CTBS: variants seen among roughly 807,000 people sequenced by gnomAD.
CTBS encodes chitobiase.
CTBS carries 35 observed loss-of-function variants against 44.3 expected under a neutral mutation model. The observed-to-expected ratio is 0.79, with a 90% CI of 0.60 to 1.05. CTBS has a LOEUF of 1.05. Among genes scored for constraint, CTBS ranks in the 50% least tolerant of loss-of-function variants. The probability of loss-of-function intolerance (pLI) is 0.00; values close to 1 mark genes in which losing one functional copy is unlikely to be tolerated. For missense variants in CTBS, 458 were observed against 475.3 expected (o/e 0.96, Z 0.34); for synonymous variants, 143 against 168.0 (o/e 0.85, Z 1.15).
intron 6 of CTBS, among the ~76,000 whole-genome samples, chr1:84,562,439 T>C (rs898154797): frequency 6.6e-6 from 1 of 152,232 alleles, no homozygotes; most frequent in Non-Finnish European, 1.5e-5. Flanking sequence ...ATTTATGACA[T>C]GTAGTGTGTT....
chr1:84,552,899 T>C lies in CTBS; in HGVS notation c.*2100A>G, dbSNP rs1378598723. The C allele has an allele frequency of 3.3e-6, 2 of 608,662 alleles. No homozygotes were observed. The highest frequency in any genetic ancestry group is 5.8e-6 in the Non-Finnish European group (2 of 343,548). 37.7% of individuals were successfully genotyped at this position (608,662 alleles called of 1,614,324 possible). On this transcript the variant is annotated 3_prime_UTR_variant, in exon 7 of 7. Transcript: ENST00000370630. ...CTACACATTTACTGTAGTAATCCAGTGGGAGTTGAAAGCACTGAAGCCAAA... is the reference window on the plus strand; with the variant it reads ...CTACACATTTACTGTAGTAATCCAGCGGGAGTTGAAAGCACTGAAGCCAAA...
intron 6 of CTBS, among the ~76,000 whole-genome samples, chr1:84,557,003 G>C (rs1684450858): frequency 1.3e-5 from 2 of 152,164 alleles, no homozygotes; most frequent in Non-Finnish European, 2.9e-5. Flanking sequence ...CATCATTCTA[G>C]CTAGTACTTT....
intron 6 of CTBS, among the ~76,000 whole-genome samples, chr1:84,557,465 G>A (rs527552017): frequency 3.3e-5 from 5 of 150,406 alleles, no homozygotes; most frequent in African/African-American, 4.9e-5. Flanking sequence ...CCTGGGAGGC[G>A]GAGGGCGCAG....
At position 84,557,857 on chromosome 1, in the gene CTBS, C is replaced by CAA. The variant is rs375521066; in HGVS notation, c.958-2660_958-2659dup. On this transcript the variant is annotated intron_variant, in intron 6 of 6. Transcript: ENST00000370630. ...TGGGCGACATAGTGAGACTCCATCT[C>CAA]AAAAAAAAAAAAAAGAGGAAGGAAA... 3.8e-3 allele frequency among the ~76,000 whole-genome samples: 444 copies of CAA among 117,802 alleles called. 1 individual carries two copies. Among genetic ancestry groups the CAA allele is most frequent in the African/African-American group, 0.012 (392 of 31,376 alleles). 77.3% of individuals were successfully genotyped at this position (117,802 alleles called of 152,430 possible).
At chr1:84,555,624 C>T (rs775634065) in intron 6 of CTBS, among the ~76,000 whole-genome samples, 1 of 152,204 alleles carries the variant, frequency 6.6e-6, no homozygotes, top group East Asian at 1.9e-4. Flanking sequence ...ATAGATTCTA[C>T]TTGAGCTCCT....
chr1:84,562,617 G>T (rs769548202), intron 6 of CTBS, among the ~76,000 whole-genome samples: 1 of 152,052 alleles, frequency 6.6e-6, no homozygotes, highest in Non-Finnish European at 1.5e-5. Flanking sequence ...CCTTTATAAT[G>T]CTAAAGGTAA....
chr1:84,571,610 A>G (rs1647302642), intron 1 of CTBS, among the ~76,000 whole-genome samples: 2 of 152,180 alleles, frequency 1.3e-5, no homozygotes, highest in Admixed American at 6.5e-5. Context: ...GATTTGGCAA[A>G]TATTTATTGA....
At chr1:84,572,532 TAGAGAA>T (rs1465286196) in intron 1 of CTBS, among the ~76,000 whole-genome samples, 2 of 151,790 alleles carry the variant, frequency 1.3e-5, no homozygotes, top group Admixed American at 6.6e-5. Flanking sequence ...AAAACGCCAG[TAGAGAA>T]AAAGACCATT....
At chr1:84,559,723 T>C (rs1463565638) in intron 6 of CTBS, among the ~76,000 whole-genome samples, 5 of 152,164 alleles carry the variant, frequency 3.3e-5, no homozygotes, top group Admixed American at 2.6e-4. Context: ...TATAATTAGA[T>C]TGTTTTCTGA....
intron 6 of CTBS, among the ~76,000 whole-genome samples, chr1:84,560,893 C>A (rs1030740672): frequency 6.6e-6 from 1 of 152,194 alleles, no homozygotes; most frequent in Admixed American, 6.5e-5. Context: ...AAAGAGATTT[C>A]TTTCAAAATA....
Position 84,554,736 on chromosome 1 carries a change from A to C in CTBS, c.*263T>G, listed in dbSNP as rs374599581. ...ATGGCATAATAAAATTCTGAAAGCA[A>C]TTTTTCCCAATTAAATTATAGTGTT... is the stretch of plus-strand genomic sequence containing the variant. On this transcript the variant is annotated 3_prime_UTR_variant, in exon 7 of 7. Transcript: ENST00000370630. 21 of 299,380 alleles carry C rather than the reference A, an allele frequency of 7.0e-5. No homozygotes were observed. The highest frequency in any genetic ancestry group is 5.8e-4 in the South Asian group (7 of 12,108). The allele number at this position is 299,380 out of a possible 1,614,324, so 18.5% of individuals were successfully genotyped here.
chr1:84,562,302 C>A lies in CTBS; in HGVS notation c.957+955G>T, dbSNP rs116201722. Among the ~76,000 whole-genome samples the A allele has an allele frequency of 3.5e-3, 530 of 152,288 alleles. 1 individual carries two copies. Among genetic ancestry groups the A allele is most frequent in the Non-Finnish European group, 5.5e-3 (377 of 68,030 alleles). ...TTCCCAGGACAGACTAATATAAACA[C>A]TGTTTAGGAAAGATAAGATTACAAT... On this transcript the variant is annotated intron_variant, in intron 6 of 6. Coordinates refer to ENST00000370630, the MANE Select transcript of CTBS (RefSeq NM_004388.3).
chr1:84,557,136 T>C (rs1038758998), intron 6 of CTBS, among the ~76,000 whole-genome samples: 2 of 152,234 alleles, frequency 1.3e-5, no homozygotes, highest in Non-Finnish European at 1.5e-5. Context: ...TTCCAGAATA[T>C]TGAGTCCAAG....
At chr1:84,557,055 T>C (rs938303691) in intron 6 of CTBS, among the ~76,000 whole-genome samples, 1 of 150,130 alleles carries the variant, frequency 6.7e-6, no homozygotes, top group Non-Finnish European at 1.5e-5. Context: ...TGTCTCAAAA[T>C]TGTAAAGGAA....
intron 3 of CTBS, among the ~76,000 whole-genome samples, chr1:84,566,990 T>G (rs1166973241): frequency 6.6e-6 from 1 of 152,224 alleles, no homozygotes; most frequent in African/African-American, 2.4e-5. Context: ...TTATGTTTAT[T>G]GCCTTAACCA....
rs1317268013 is a variant in CTBS at position 84,554,369 on chromosome 1, ATTC to A, written c.*627_*629del. 5.9e-5 allele frequency: 9 copies of A among 152,228 alleles called. No homozygotes were observed. Among genetic ancestry groups the A allele is most frequent in the Admixed American group, 5.9e-4 (9 of 15,272 alleles). 9.4% of individuals were successfully genotyped at this position (152,228 alleles called of 1,614,324 possible). ...TACCAATTCAAAATATTACTGTTAC[ATTC>A]TTCTATTTTGTGAATACATTTAATC... On this transcript the variant is annotated 3_prime_UTR_variant, in exon 7 of 7. Coordinates refer to ENST00000370630, the MANE Select transcript of CTBS (RefSeq NM_004388.3).
At chr1:84,572,416 C>A (rs1311610805) in intron 1 of CTBS, among the ~76,000 whole-genome samples, 1 of 149,312 alleles carries the variant, frequency 6.7e-6, no homozygotes, top group African/African-American at 2.5e-5. Context: ...TACTAAGAGC[C>A]TGTGATATAA....
chr1:84,553,590 G>C lies in CTBS; in HGVS notation c.*1409C>G, dbSNP rs550530705. The C allele has an allele frequency of 2.0e-5, 3 of 152,184 alleles. No individual in the cohort carries two copies. The highest frequency in any genetic ancestry group is 4.4e-5 in the Non-Finnish European group (3 of 68,110). The allele number at this position is 152,184 out of a possible 1,614,324, so 9.4% of individuals were successfully genotyped here. Reference sequence around the variant, plus strand: ...TGGGGGTATTGAAGTTGCATTCTGAGCTATGATAGAGATAAGCATCTAAGA... The same window carrying C: ...TGGGGGTATTGAAGTTGCATTCTGACCTATGATAGAGATAAGCATCTAAGA... On this transcript the variant is annotated 3_prime_UTR_variant, in exon 7 of 7. Transcript: ENST00000370630.
At chr1:84,572,657 T>G (rs143988799) in intron 1 of CTBS, among the ~76,000 whole-genome samples, 180 of 145,536 alleles carry the variant, frequency 1.2e-3, no homozygotes, top group African/African-American at 4.9e-3. Context: ...CAGTAAATCT[T>G]TCAGGTTTTT....
Sources: allele counts gnomAD v4.1 joint callset (sites outside exome capture counted in the v4.1 genomes callset), GRCh38; gene constraint gnomAD v4.1.1; transcripts MANE v1.5; gene names NCBI Gene and HGNC (gene_info 2026-07-23, HGNC 2026-07-21).